NTM: variants seen among roughly 807,000 people sequenced by gnomAD.
The protein encoded by NTM is IgLON family member 2.
Under a neutral mutation model 42.1 loss-of-function variants are expected in NTM, and 13 were observed. That is an observed-to-expected ratio of 0.31 (90% confidence interval 0.20 to 0.49). NTM has a LOEUF of 0.49. Among genes scored for constraint, NTM ranks in the 20% least tolerant of loss-of-function variants. NTM has a pLI of 0.99. For missense variants in NTM, 373 were observed against 452.8 expected (o/e 0.82, Z 1.60); for synonymous variants, 187 against 179.2 (o/e 1.04, Z -0.35).
intron 1 of NTM, among the ~76,000 whole-genome samples, chr11:131,479,495 G>A (rs1351507311): frequency 2.0e-5 from 3 of 152,142 alleles, no homozygotes; most frequent in Non-Finnish European, 4.4e-5. Context: ...GCAAACTAAG[G>A]GTCGCCTAAG....
At chr11:131,954,846 A>G (rs952874161) in intron 2 of NTM, among the ~76,000 whole-genome samples, 2 of 152,216 alleles carry the variant, frequency 1.3e-5, no homozygotes. Context: ...ACCTACTCAT[A>G]TAACTTATGT....
intron 3 of NTM, among the ~76,000 whole-genome samples, chr11:132,160,017 G>T (rs2137586302): frequency 6.6e-6 from 1 of 152,274 alleles, no homozygotes; most frequent in South Asian, 2.1e-4. Context: ...ATGGGAAACA[G>T]ACATGAAAAA....
intron 2 of NTM, among the ~76,000 whole-genome samples, chr11:132,041,051 A>G (rs1362916558): frequency 6.6e-6 from 1 of 152,230 alleles, no homozygotes; most frequent in South Asian, 2.1e-4. Context: ...TTGTTCCTAA[A>G]ATAAGCATGC....
At chr11:131,432,420 T>C (rs1242559554) in intron 1 of NTM, among the ~76,000 whole-genome samples, 1 of 152,146 alleles carries the variant, frequency 6.6e-6, no homozygotes, top group Non-Finnish European at 1.5e-5. Flanking sequence ...CTTCTTTACA[T>C]TGGAGGATGT....
chr11:131,411,540 CGTGT>C (rs5795724), intron 1 of NTM, among the ~76,000 whole-genome samples: 42,800 of 129,490 alleles, frequency 0.33, 7,163 homozygotes, highest in Non-Finnish European at 0.38. Flanking sequence ...TAGGGGGGGC[CGTGT>C]GTGTGTGTGT....
intron 1 of NTM, among the ~76,000 whole-genome samples, chr11:131,789,767 T>G (rs1012354436): frequency 8.1e-5 from 12 of 147,900 alleles, no homozygotes; most frequent in African/African-American, 3.0e-4. Flanking sequence ...CCATCCTGGC[T>G]AACACGGTGA....
intron 1 of NTM, among the ~76,000 whole-genome samples, chr11:131,839,153 G>T (rs574036548): frequency 2.6e-4 from 39 of 152,100 alleles, no homozygotes; most frequent in African/African-American, 9.2e-4. Flanking sequence ...GTAGAGACAG[G>T]CTTTCACTAT....
At chr11:132,327,118 A>C (rs1487797474) in intron 7 of NTM, among the ~76,000 whole-genome samples, 6 of 152,230 alleles carry the variant, frequency 3.9e-5, no homozygotes. Flanking sequence ...TTGGTGGTGC[A>C]GGACTCTCAC....
chr11:131,568,476 G>T (rs2057117195), intron 1 of NTM, among the ~76,000 whole-genome samples: 1 of 152,210 alleles, frequency 6.6e-6, no homozygotes, highest in African/African-American at 2.4e-5. Flanking sequence ...GAAAAGAAGA[G>T]TGAGAAATTC....
chr11:131,388,435 T>A (rs1943587236), intron 1 of NTM, among the ~76,000 whole-genome samples: 1 of 151,868 alleles, frequency 6.6e-6, no homozygotes, highest in Non-Finnish European at 1.5e-5. Flanking sequence ...TTTTTTTTTT[T>A]TTTTTTTGCA....
intron 2 of NTM, among the ~76,000 whole-genome samples, chr11:131,998,524 A>C (rs1201504172): frequency 2.0e-5 from 3 of 152,262 alleles, no homozygotes; most frequent in Admixed American, 6.5e-5. Flanking sequence ...GTTTTTATGC[A>C]TTTTACCACG....
chr11:131,736,314 C>T (rs1360365775), intron 1 of NTM, among the ~76,000 whole-genome samples: 1 of 152,188 alleles, frequency 6.6e-6, no homozygotes, highest in Non-Finnish European at 1.5e-5. Flanking sequence ...CTCCTTCACA[C>T]AGTCATGGGC....
intron 1 of NTM, among the ~76,000 whole-genome samples, chr11:131,868,907 T>C (rs545952989): frequency 1.6e-4 from 24 of 152,304 alleles, no homozygotes; most frequent in African/African-American, 5.5e-4. Flanking sequence ...TTGAAGAGAC[T>C]CACCACTTTG....
intron 1 of NTM, among the ~76,000 whole-genome samples, chr11:131,789,848 C>T (rs549601467): frequency 2.6e-4 from 38 of 145,706 alleles, no homozygotes; most frequent in East Asian, 4.3e-4. Flanking sequence ...CCCAGCTACA[C>T]GGGAGGCTGA....
chr11:132,160,376 G>A (rs1439706025), intron 3 of NTM, among the ~76,000 whole-genome samples: 1 of 152,190 alleles, frequency 6.6e-6, no homozygotes, highest in East Asian at 1.9e-4. Context: ...CGGTCTGGTG[G>A]GGAAGGGGAG....
intron 1 of NTM, among the ~76,000 whole-genome samples, chr11:131,794,107 C>T (rs2091278047): frequency 6.6e-6 from 1 of 152,184 alleles, no homozygotes; most frequent in Non-Finnish European, 1.5e-5. Context: ...GGACATGCTG[C>T]TTGTCAGAAG....
chr11:132,231,193 G>A (rs555169604), intron 4 of NTM, among the ~76,000 whole-genome samples: 1 of 152,284 alleles, frequency 6.6e-6, no homozygotes, highest in African/African-American at 2.4e-5. Context: ...AAGCTAAGAT[G>A]CAAATGTCCA....
At chr11:132,051,411 T>C (rs369059006) in intron 2 of NTM, among the ~76,000 whole-genome samples, 2 of 152,300 alleles carry the variant, frequency 1.3e-5, no homozygotes, top group East Asian at 3.9e-4. Context: ...GAATCCGCAG[T>C]CTCAACTGCT....
At chr11:132,017,115 G>T (rs1268878006) in intron 2 of NTM, among the ~76,000 whole-genome samples, 2 of 151,132 alleles carry the variant, frequency 1.3e-5, no homozygotes, top group African/African-American at 4.9e-5. Flanking sequence ...TAAATGGTGG[G>T]TTTTTTTTGA....
Sources: allele counts gnomAD v4.1 joint callset (sites outside exome capture counted in the v4.1 genomes callset), GRCh38; gene constraint gnomAD v4.1.1; transcripts MANE v1.5; gene names NCBI Gene and HGNC (gene_info 2026-07-23, HGNC 2026-07-21).